The following HOXD3 variants were observed in gnomAD, a reference collection of about 807,000 sequenced individuals.
The protein encoded by HOXD3 is homeobox protein Hox-D3.
A neutral mutation model predicts 32.8 loss-of-function variants in HOXD3; 13 were observed. That is an observed-to-expected ratio of 0.40 (90% CI 0.26 to 0.63). HOXD3 has a LOEUF of 0.63. Among genes scored for constraint, HOXD3 ranks in the 20% least tolerant of loss-of-function variants. HOXD3 has a pLI of 0.44. For missense variants in HOXD3, 504 were observed against 577.1 expected (o/e 0.87, Z 1.30); for synonymous variants, 241 against 246.8 (o/e 0.98, Z 0.22).
At chr2:176,168,243 T>C (rs1469118436) in intron 2 of HOXD3, among the ~76,000 whole-genome samples, 1 of 116,088 alleles carries the variant, frequency 8.6e-6, no homozygotes, top group Non-Finnish European at 1.7e-5. Flanking sequence ...TGGGCAACAT[T>C]GTAAGACCCT....
upstream of HOXD3, chr2:176,152,603 C>A (rs895888531): frequency 5.0e-6 from 8 of 1,612,676 alleles, no homozygotes; most frequent in African/African-American, 8.0e-5. This position sits in a 1 kb window ranked among gnomAD's most constrained non-coding sequence, Gnocchi z 5.2. Flanking sequence ...TGTTTTGTCT[C>A]GCAGTGAACC....
chr2:176,169,871 GGT>G (rs1691115708), intron 3 of HOXD3, among the ~76,000 whole-genome samples: 1 of 152,128 alleles, frequency 6.6e-6, no homozygotes, highest in African/African-American at 2.4e-5. Flanking sequence ...TTGCTGGACA[GGT>G]CTTATAGCTA....
Position 176,171,479 on chromosome 2 carries a change from ACTCG to A in HOXD3, c.542-34_542-31del, listed in dbSNP as rs774679998. The A allele has an allele frequency of 5.2e-6, 8 of 1,542,400 alleles. No individual in the cohort carries two copies. The East Asian group carries it at 1.4e-4, about 26-fold the overall frequency. ...TCTCCAGTCCTGAGGGTCCCCACCC[ACTCG>A]CTCAGCGCCCTCCCTCTCTCCCTCC... On this transcript the variant is annotated intron_variant, in intron 3 of 3. Transcript: ENST00000683222.
At position 176,169,087 on chromosome 2, in the gene HOXD3, G is replaced by A. The variant is rs752529429; in HGVS notation, c.-28G>A. The A allele has an allele frequency of 1.5e-5, 23 of 1,570,782 alleles. No homozygotes were observed. The highest frequency in any genetic ancestry group is 1.7e-4 in the Middle Eastern group (1 of 5,850). On this transcript the variant is annotated 5_prime_UTR_variant, in exon 3 of 4. The change creates a new upstream start codon in the 5' untranslated region. Transcript: ENST00000683222. The stretch of plus-strand genomic sequence containing the variant: ...TCTCAGGATTCAGCAGACATTGGAG[G>A]TGGCAGTGAAGGATACAGTGGTAGT...
chr2:176,152,996 C>A, upstream of HOXD3: 1 of 1,564,944 alleles, frequency 6.4e-7, no homozygotes, highest in Non-Finnish European at 8.8e-7. This position sits in a 1 kb window ranked among gnomAD's most constrained non-coding sequence, Gnocchi z 5.2. Flanking sequence ...GCCGAAGCTG[C>A]GGGGGCAGGC....
rs1691228898 is a variant in HOXD3 at position 176,172,432 on chromosome 2, G to T, written c.*158G>T. On this transcript the variant is annotated 3_prime_UTR_variant, in exon 4 of 4. Coordinates refer to ENST00000683222, the MANE Select transcript of HOXD3 (RefSeq NM_006898.5). The stretch of plus-strand genomic sequence containing the variant: ...GGCCTCCAGCGGCGGAGGCGCAGGC[G>T]ACCGGGCCTCCCCTCCATGGGCGTC... 7 of 665,792 alleles carry T rather than the reference G, an allele frequency of 1.1e-5. No homozygotes were observed. The highest frequency in any genetic ancestry group is 1.5e-5 in the Non-Finnish European group (6 of 402,014). 41.2% of individuals were successfully genotyped at this position (665,792 alleles called of 1,614,324 possible).
At chr2:176,160,214 T>C (rs553900898) in intron 1 of HOXD3, among the ~76,000 whole-genome samples, 14 of 152,036 alleles carry the variant, frequency 9.2e-5, no homozygotes, top group African/African-American at 3.1e-4. Context: ...GGCTGCGGAG[T>C]ACTCCGCGGG....
rs1574986809 is a variant in HOXD3, at chr2:176,169,438, T to A, written c.324T>A (p.Pro108=). The A allele has an allele frequency of 1.2e-6, 2 of 1,613,416 alleles. No homozygotes were observed. The highest frequency in any genetic ancestry group is 1.7e-6 in the Non-Finnish European group (2 of 1,179,710). Residue 108 remains proline, a synonymous_variant, in exon 3 of 4, where the codon CCT becomes CCA. Transcript: ENST00000683222. ...SQGGGGGSQP[P]GLNSEQQPPQ... ...GTGGGGGTGGTGGCAGCCAGCCTCC[T>A]GGTCTGAACTCAGAGCAGCAGCCAC...
At chr2:176,160,139 C>G (rs772148126) in intron 1 of HOXD3, among the ~76,000 whole-genome samples, 34 of 152,200 alleles carry the variant, frequency 2.2e-4, no homozygotes, top group Non-Finnish European at 4.6e-4. Context: ...GGAGCGGGTC[C>G]TCGCCCTGGG....
chr2:176,172,050 G>A lies in HOXD3; in HGVS notation c.1075G>A (p.Gly359Ser), dbSNP rs767797388. Residue 359 changes from glycine (G) to serine (S), a missense_variant, in exon 4 of 4, where the codon GGC (glycine) becomes AGC (serine). Gly to Ser is a moderately conservative substitution (Grantham distance 56, BLOSUM62 0). Transcript: ENST00000683222. ...ANLQGSPVYVGGNFVESMAPA... is the reference protein window; with the variant it reads ...ANLQGSPVYVSGNFVESMAPA... ...CTTGCAGGGCAGCCCGGTGTACGTG[G>A]GCGGCAACTTCGTCGAGTCCATGGC... 1.9e-6 allele frequency: 3 copies of A among 1,609,186 alleles called. No individual in the cohort carries two copies. Among genetic ancestry groups the A allele is most frequent in the Non-Finnish European group, 2.5e-6 (3 of 1,179,094 alleles).
upstream of HOXD3, among the ~76,000 whole-genome samples, chr2:176,155,705 G>C (rs1191071077): frequency 6.6e-6 from 1 of 152,176 alleles, no homozygotes; most frequent in African/African-American, 2.4e-5. Context: ...GTGTGGAAAA[G>C]CTCCAATGCC....
chr2:176,162,143 A>G (rs1219640858), intron 1 of HOXD3, among the ~76,000 whole-genome samples: 1 of 152,272 alleles, frequency 6.6e-6, no homozygotes, highest in East Asian at 1.9e-4. Context: ...AGAGAGCAGT[A>G]AAGTTGTTTT....
At position 176,171,797 on chromosome 2, in the gene HOXD3, C is replaced by T. The variant is rs1032475668; in HGVS notation, c.822C>T (p.Gly274=). The T allele has an allele frequency of 3.1e-6, 5 of 1,612,632 alleles. No homozygotes were observed. The highest frequency in any genetic ancestry group is 4.5e-5 in the East Asian group (2 of 44,874). The part of the protein sequence containing the change: ...SQSPERSPPL[G]GAAGHVAYSG... ...CCCCTGAGCGCAGCCCACCGCTCGG[C>T]GGCGCCGCTGGCCACGTGGCCTACT... Residue 274 remains glycine (G), a synonymous_variant, in exon 4 of 4, where the codon GGC becomes GGT. Transcript: ENST00000683222.
At chr2:176,153,126 G>T, upstream of HOXD3, 6 of 534,390 alleles carry the variant, frequency 1.1e-5, no homozygotes, top group Non-Finnish European at 1.4e-5. Context: ...AGAGCGGGAT[G>T]GGGATGGGAG....
upstream of HOXD3, chr2:176,152,661 C>T (rs767847815): frequency 4.0e-5 from 65 of 1,614,036 alleles, no homozygotes; most frequent in Non-Finnish European, 4.4e-5. This position sits in a 1 kb window ranked among gnomAD's most constrained non-coding sequence, Gnocchi z 5.2. Flanking sequence ...GGCCTACACC[C>T]GGCAGCAAGT....
chr2:176,160,330 G>A (rs1456817064), intron 1 of HOXD3, among the ~76,000 whole-genome samples: 1 of 152,202 alleles, frequency 6.6e-6, no homozygotes, highest in Non-Finnish European at 1.5e-5. Context: ...GACCAGTCTG[G>A]CGGAAGGCCC....
chr2:176,169,629 A>G lies in HOXD3; in HGVS notation c.515A>G (p.Lys172Arg). Residue 172 changes from lysine (K) to arginine (R), a missense_variant, in exon 3 of 4, where the codon AAG (lysine) becomes AGG (arginine). Lys to Arg is a conservative substitution (Grantham distance 26). Transcript: ENST00000683222. ...PWMKESRQNS[K>R]QKNSCATAGE... ...ATGAAAGAGTCTCGACAGAACTCCAAGCAGAAGAACAGCTGTGCCACTGCA... is the reference window on the plus strand; with the variant it reads ...ATGAAAGAGTCTCGACAGAACTCCAGGCAGAAGAACAGCTGTGCCACTGCA... 6.2e-7 allele frequency: 1 copy of G among 1,607,010 alleles called. No individual in the cohort carries two copies. Among genetic ancestry groups the G allele is most frequent in the South Asian group, 1.1e-5 (1 of 89,648 alleles).
chr2:176,163,004 C>T (rs994434883), intron 1 of HOXD3, among the ~76,000 whole-genome samples: 8 of 152,180 alleles, frequency 5.3e-5, no homozygotes, highest in Admixed American at 5.2e-4. Context: ...AGGTCCCGGC[C>T]CAGCCAAGAG....
upstream of HOXD3, chr2:176,152,942 G>A (rs1690573898): frequency 6.2e-7 from 1 of 1,613,924 alleles, no homozygotes; most frequent in Admixed American, 1.7e-5. This position sits in a 1 kb window ranked among gnomAD's most constrained non-coding sequence, Gnocchi z 5.2. Context: ...CGACCTTATA[G>A]AAGTGGGGAC....
Sources: allele counts gnomAD v4.1 joint callset (sites outside exome capture counted in the v4.1 genomes callset), GRCh38; gene constraint gnomAD v4.1.1; non-coding constraint Gnocchi (gnomAD v3.1); transcripts MANE v1.5; gene names NCBI Gene and HGNC (gene_info 2026-07-23, HGNC 2026-07-21).